MYO10: variants seen among roughly 807,000 people sequenced by gnomAD.
MYO10 encodes myosin X, also known as unconventional myosin-X.
MYO10 carries 133 observed loss-of-function variants against 257.3 expected under a neutral mutation model. The ratio of observed to expected loss-of-function variants is 0.52; its 90% CI spans 0.45 to 0.60. MYO10 has a LOEUF of 0.60. MYO10 is among the 20% of genes least tolerant of loss of function. The probability of loss-of-function intolerance (pLI) is 0.00; values close to 1 mark genes in which losing one functional copy is unlikely to be tolerated. For synonymous variants in MYO10, 1,104 were observed against 1,028.6 expected (o/e 1.07, Z -1.40); for missense variants, 2,399 against 2,635.7 (o/e 0.91, Z 1.97).
At chr5:16,753,895 A>G (rs1379868100) in intron 19 of MYO10, among the ~76,000 whole-genome samples, 3 of 152,252 alleles carry the variant, frequency 2.0e-5, no homozygotes, top group Non-Finnish European at 2.9e-5. Context: ...ACCAGAATAT[A>G]ATAAACCAAG....
chr5:16,673,586 G>T, intron 36 of MYO10, 96 bp downstream of exon 36: 1 of 1,353,668 alleles, frequency 7.4e-7, no homozygotes, highest in Non-Finnish European at 1.0e-6. Context: ...CTGCAACTGT[G>T]CAGGACAGCC....
chr5:16,893,054 G>A (rs1275813150), intron 1 of MYO10, among the ~76,000 whole-genome samples: 1 of 151,744 alleles, frequency 6.6e-6, no homozygotes. Flanking sequence ...AAAATTAGCC[G>A]GGCGTGGTGG....
chr5:16,930,625 A>G (rs31453), intron 1 of MYO10, among the ~76,000 whole-genome samples: 71,741 of 152,022 alleles, frequency 0.47, 17,267 homozygotes, highest in African/African-American at 0.54. Context: ...TTCAAAGTAC[A>G]GTTACTGTGA....
chr5:16,685,687 C>A, intron 29 of MYO10, 51 bp downstream of exon 29: 1 of 1,265,968 alleles, frequency 7.9e-7, no homozygotes, highest in South Asian at 1.3e-5. Flanking sequence ...GACGCCCTCC[C>A]CGTCCCTGCC....
rs966456527 is a variant in MYO10 at position 16,711,170 on chromosome 5, G to A, written c.2005C>T (p.Arg669Cys). The A allele has an allele frequency of 6.8e-6, 11 of 1,613,530 alleles. No individual in the cohort carries two copies. The highest frequency in any genetic ancestry group is 5.3e-5 in the African/African-American group (4 of 74,896). Residue 669 changes from arginine to cysteine, a missense_variant, in exon 20 of 41, where the codon CGC becomes TGC. Physicochemically the swap from Arg to Cys is radical, Grantham distance 180. Transcript: ENST00000513610. ...CTTCGGACCGCATACCCAGCTTTGC[G>A]GATTCTCACAGTCTCCAGCATCCCT... ...YSGMLETVRI[R>C]KAGYAVRRPF...
At chr5:16,857,320 T>C (rs1045734498) in intron 2 of MYO10, among the ~76,000 whole-genome samples, 1 of 152,222 alleles carries the variant, frequency 6.6e-6, no homozygotes, top group Non-Finnish European at 1.5e-5. Context: ...AGGATTCCTT[T>C]ACGGCAGCAG....
At chr5:16,776,921 C>T (rs1741230254) in intron 9 of MYO10, among the ~76,000 whole-genome samples, 1 of 151,972 alleles carries the variant, frequency 6.6e-6, no homozygotes, top group South Asian at 2.1e-4. Flanking sequence ...ATTCTTTTAT[C>T]ACAAATTATT....
At chr5:16,816,235 A>G (rs1457316329) in intron 3 of MYO10, among the ~76,000 whole-genome samples, 85 of 150,428 alleles carry the variant, frequency 5.7e-4, no homozygotes, top group African/African-American at 2.0e-3. Context: ...GCTACTCGGG[A>G]GGCTGAGGCA....
Position 16,910,305 on chromosome 5 carries a change from T to C in MYO10, c.21+25483A>G, listed in dbSNP as rs540639349. On this transcript the variant is annotated intron_variant, in intron 1 of 40. Transcript: ENST00000513610. ...AATCCTGAAACAATCCAGTTTGTCT[T>C]TGTTTTTGTTTCTTTTTTCCCTGTT... 2.0e-5 allele frequency among the ~76,000 whole-genome samples: 3 copies of C among 152,314 alleles called. No homozygotes were observed. The South Asian group carries it at 6.2e-4, about 32-fold the overall frequency.
chr5:16,841,958 A>T (rs1743494368), intron 2 of MYO10, among the ~76,000 whole-genome samples: 1 of 140,498 alleles, frequency 7.1e-6, no homozygotes, highest in South Asian at 2.5e-4. Context: ...ATATCTGATA[A>T]CTAGACAAAG....
intron 10 of MYO10, among the ~76,000 whole-genome samples, chr5:16,767,871 T>C (rs942323211): frequency 1.3e-5 from 2 of 152,042 alleles, no homozygotes; most frequent in African/African-American, 4.8e-5. Context: ...AGAGACGGGG[T>C]TTCACCATGT....
intron 19 of MYO10, among the ~76,000 whole-genome samples, chr5:16,712,167 CAT>C (rs1413707281): frequency 6.6e-6 from 1 of 152,020 alleles, no homozygotes; most frequent in Non-Finnish European, 1.5e-5. Flanking sequence ...GTTTGGAAGA[CAT>C]AGAGGCGAAA....
At chr5:16,773,106 C>A (rs1741103471) in intron 9 of MYO10, among the ~76,000 whole-genome samples, 1 of 152,160 alleles carries the variant, frequency 6.6e-6, no homozygotes, top group Admixed American at 6.5e-5. Context: ...AATTAAAATA[C>A]CATAAATTAC....
At chr5:16,782,322 G>C (rs777234632) in intron 5 of MYO10, among the ~76,000 whole-genome samples, 34 of 152,132 alleles carry the variant, frequency 2.2e-4, no homozygotes. Context: ...AGTATTTTAG[G>C]CTTTGCAGAC....
At chr5:16,875,005 T>C (rs1405264270) in intron 2 of MYO10, among the ~76,000 whole-genome samples, 2 of 152,134 alleles carry the variant, frequency 1.3e-5, no homozygotes, top group Non-Finnish European at 2.9e-5. Flanking sequence ...AAACCCCTGA[T>C]AAACCCATCA....
intron 1 of MYO10, among the ~76,000 whole-genome samples, chr5:16,916,987 C>A (rs1281501723): frequency 6.6e-6 from 1 of 152,086 alleles, no homozygotes; most frequent in African/African-American, 2.4e-5. Context: ...AAATCAGGTC[C>A]GTATTGTCTG....
intron 3 of MYO10, among the ~76,000 whole-genome samples, chr5:16,811,172 G>A (rs1411146382): frequency 6.6e-6 from 1 of 151,676 alleles, no homozygotes; most frequent in African/African-American, 2.4e-5. Flanking sequence ...GTGGGGGGGG[G>A]ATGTTCTGGC....
intron 1 of MYO10, among the ~76,000 whole-genome samples, chr5:16,887,992 A>T (rs927116706): frequency 3.9e-5 from 6 of 152,212 alleles, no homozygotes; most frequent in Admixed American, 1.3e-4. Flanking sequence ...TAAAAGTCAA[A>T]TTTTTCCATC....
rs1436088254 is a variant in MYO10 at position 16,681,983 on chromosome 5, G to A, written c.4077C>T (p.Asn1359=). ...RPNSFVIITA[N]RVLHCNADTP... is the part of the protein sequence containing the mutation. ...TGTCGGCGTTGCAGTGCAGCACCCG[G>A]TTGGCCGTGATGATCACAAACGAGT... is the stretch of plus-strand genomic sequence containing the variant. Residue 1359 remains asparagine, a synonymous_variant, in exon 31 of 41, where the codon AAC becomes AAT. Coordinates refer to ENST00000513610, the MANE Select transcript of MYO10 (RefSeq NM_012334.3). The A allele has an allele frequency of 2.5e-6, 4 of 1,613,640 alleles. No individual in the cohort carries two copies. Among genetic ancestry groups the A allele is most frequent in the Non-Finnish European group, 3.4e-6 (4 of 1,179,888 alleles).
Sources: allele counts gnomAD v4.1 joint callset (sites outside exome capture counted in the v4.1 genomes callset), GRCh38; gene constraint gnomAD v4.1.1; transcripts MANE v1.5; gene names NCBI Gene and HGNC (gene_info 2026-07-23, HGNC 2026-07-21).